Variants in TTN observed in about 807,000 individuals in gnomAD.
TTN encodes titin.
In TTN, 1,525 loss-of-function variants were observed where a neutral mutation model predicts 3,223.0. The observed-to-expected ratio is 0.47, with a 90% CI of 0.45 to 0.49. TTN has a LOEUF of 0.49. TTN is among the 20% of genes least tolerant of loss of function. The pLI, the probability that TTN is intolerant of heterozygous loss-of-function variation, is 0.00. For missense variants in TTN, 40,786 were observed against 43,424.0 expected (o/e 0.94, Z 5.40); for synonymous variants, 14,094 against 15,161.0 (o/e 0.93, Z 5.17).
chr2:178,603,851 T>G, intron 282 of TTN, 25 bp downstream of exon 282: 1 of 1,519,486 alleles, frequency 6.6e-7, no homozygotes, highest in East Asian at 2.3e-5. Flanking sequence ...TAGAAATTAG[T>G]CCCCAGAAAC....
chr2:178,772,635 G>A (rs745625592), intron 33 of TTN, among the ~76,000 whole-genome samples: 1 of 152,100 alleles, frequency 6.6e-6, no homozygotes, highest in Non-Finnish European at 1.5e-5. Context: ...AAGCAAGAAT[G>A]GCTAAAAAAG....
At chr2:178,697,825 T>A (rs1577587100) in intron 112 of TTN, among the ~76,000 whole-genome samples, 1 of 152,226 alleles carries the variant, frequency 6.6e-6, no homozygotes, top group South Asian at 2.1e-4. Context: ...ATATTGATAT[T>A]TAGATCACCT....
In TTN at chr2:178,533,391, G is replaced by C; in HGVS notation, c.103224C>G (p.Asn34408Lys). The change falls in exon 358 of 363, where the codon AAC becomes AAG. Residue 34408 changes from asparagine (N) to lysine (K), a missense_variant. Asn to Lys is a moderately conservative substitution (Grantham distance 94). Coordinates refer to ENST00000589042, the MANE Select transcript of TTN (RefSeq NM_001267550.2). ...CCAAGCCTTCATGGATAATTTCAAT[G>C]TTAGGCCCGAGGGACAGTGGCTGAC... is the stretch of plus-strand genomic sequence containing the variant. Reference protein sequence around the residue: ...KDGQPLSLGPNIEIIHEGLDY... With the variant: ...KDGQPLSLGPKIEIIHEGLDY... The C allele has an allele frequency of 6.2e-7, 1 of 1,613,612 alleles. No individual in the cohort carries two copies. Among genetic ancestry groups the C allele is most frequent in the Non-Finnish European group, 8.5e-7 (1 of 1,179,862 alleles).
intron 6 of TTN, among the ~76,000 whole-genome samples, chr2:178,798,192 A>G (rs545294335): frequency 6.6e-6 from 1 of 152,268 alleles, no homozygotes; most frequent in Admixed American, 6.5e-5. Context: ...TAGGTCAACT[A>G]TCTCCTTATT....
rs2091251469 is a variant in TTN at position 178,770,078 on chromosome 2, C to T, written c.8623G>A (p.Ala2875Thr). Residue 2875 changes from alanine to threonine, a missense_variant, in exon 36 of 363, where the codon GCA (alanine) becomes ACA (threonine). Transcript: ENST00000589042. ...TAVVGQLECK[A>T]KLFVETLHIT... ...TACTTACTCTCCACAAACAGTTTTG[C>T]TTTGCATTCCAATTGCCCGACCACA... is the stretch of plus-strand genomic sequence containing the variant. 1 of 1,614,136 alleles carries T rather than the reference C, an allele frequency of 6.2e-7. No homozygotes were observed. The highest frequency in any genetic ancestry group is 8.5e-7 in the Non-Finnish European group (1 of 1,180,004).
At position 178,560,375 on chromosome 2, in the gene TTN, A is replaced by T. The variant is rs773336002; in HGVS notation, c.85757T>A (p.Ile28586Lys). 1.9e-6 allele frequency: 3 copies of T among 1,613,602 alleles called. No homozygotes were observed. In the African/African-American group the frequency reaches 4.0e-5, roughly 22 times the overall value. The change falls in exon 326 of 363, where the codon ATA becomes AAA. Residue 28586 changes from isoleucine to lysine, a missense_variant. Ile to Lys is a moderately radical substitution (Grantham distance 102, BLOSUM62 -3). Coordinates refer to ENST00000589042, the MANE Select transcript of TTN (RefSeq NM_001267550.2). ...GCTATTTTTCTCTCGCCTTTCAATT[A>T]TATATCCAGATATTTCACTACCTCC... ...SDGGSEISGY[I>K]IERREKNSLR... is the part of the protein sequence containing the mutation.
chr2:178,563,978 T>C lies in TTN; in HGVS notation c.82154A>G (p.Glu27385Gly), dbSNP rs745887048. The change falls in exon 326 of 363, where the codon GAA becomes GGA. Residue 27385 changes from glutamate to glycine, a missense_variant. Coordinates refer to ENST00000589042, the MANE Select transcript of TTN (RefSeq NM_001267550.2). The surrounding 1 kb of genome is among the most constrained non-coding windows in gnomAD (Gnocchi z 4.5). ...TGGGTTCCATGCCAGGTAACATTTT[T>C]CCGCAGTAACTCCAGTAACTTTCAG... ...GPLKVTGVTA[E>G]KCYLAWNPPL... The C allele has an allele frequency of 1.9e-6, 3 of 1,613,610 alleles. No individual in the cohort carries two copies. Among genetic ancestry groups the C allele is most frequent in the African/African-American group, 2.7e-5 (2 of 74,900 alleles).
At chr2:178,639,986 A>C in intron 222 of TTN, 62 bp downstream of exon 222, 2 of 1,572,252 alleles carry the variant, frequency 1.3e-6, no homozygotes, top group South Asian at 2.3e-5. Context: ...TTTATTAAGT[A>C]CATGTTATGT....
Position 178,533,477 on chromosome 2 carries a change from C to G in TTN, c.103138G>C (p.Val34380Leu). The G allele has an allele frequency of 6.2e-7, 1 of 1,613,398 alleles. No homozygotes were observed. Among genetic ancestry groups the G allele is most frequent in the Admixed American group, 1.7e-5 (1 of 59,998 alleles). Residue 34380 changes from valine (V) to leucine (L), a missense_variant, in exon 358 of 363, where the codon GTC (valine) becomes CTC (leucine). Transcript: ENST00000589042. Reference sequence around the variant, plus strand: ...CCAGACACTCTGATCTCAAAGCAGACACTTTGGCCTTCTTGGCATTCTGCA... The same window carrying G: ...CCAGACACTCTGATCTCAAAGCAGAGACTTTGGCCTTCTTGGCATTCTGCA... ...ANAECQEGQS[V>L]CFEIRVSGIP...
At chr2:178,751,694 C>T in intron 47 of TTN, 2 of 1,613,262 alleles carry the variant, frequency 1.2e-6, no homozygotes, top group South Asian at 2.2e-5. Context: ...GTCTTGGACC[C>T]TTTTAATCTC....
In TTN at chr2:178,531,725, T is replaced by A. The variant is rs779363624; in HGVS notation, c.104890A>T (p.Asn34964Tyr). ...TCGGCAGTTGGCTTAGACTGAACAT[T>A]TAAAATAAAACGTGTATTTTGGCCA... ...PCGQNTRFIL[N>Y]VQSKPTAEVK... The change falls in exon 358 of 363, where the codon AAT becomes TAT. Residue 34964 changes from asparagine (N) to tyrosine (Y), a missense_variant. Transcript: ENST00000589042. The A allele has an allele frequency of 3.1e-6, 5 of 1,613,972 alleles. No individual in the cohort carries two copies. In the East Asian group the frequency reaches 1.1e-4, roughly 36 times the overall value.
Position 178,567,918 on chromosome 2 carries a change from C to A in TTN, c.78214G>T (p.Gly26072Cys), listed in dbSNP as rs762807103. 3 of 1,613,410 alleles carry A rather than the reference C, an allele frequency of 1.9e-6. No individual in the cohort carries two copies. Among genetic ancestry groups the A allele is most frequent in the Admixed American group, 1.7e-5 (1 of 59,964 alleles). The change falls in exon 326 of 363, where the codon GGT (glycine) becomes TGT (cysteine). Residue 26072 changes from glycine (G) to cysteine (C), a missense_variant. Transcript: ENST00000589042. ...EFRVYAENIV[G>C]VGKASKNSEC... ...GAATTCTTGCTTGCTTTGCCTACAC[C>A]AACAATATTTTCAGCATACACTCTG...
intron 204 of TTN, 54 bp from the exon 205 acceptor site, chr2:178,652,021 T>A: frequency 6.2e-7 from 1 of 1,610,746 alleles, no homozygotes; most frequent in Non-Finnish European, 8.5e-7. Context: ...CTGAGATAGT[T>A]TGCAAAAAAA....
In TTN at chr2:178,769,893, G is replaced by T; in HGVS notation, c.8688C>A (p.Thr2896=). The T allele has an allele frequency of 6.2e-7, 1 of 1,614,028 alleles. No homozygotes were observed. Among genetic ancestry groups the T allele is most frequent in the Non-Finnish European group, 8.5e-7 (1 of 1,179,988 alleles). ...KTMKNIEVPE[T]KTASFECEVS... Reference sequence around the variant, plus strand: ...CCTCACACTCAAAAGAGGCAGTTTTGGTCTCAGGCACCTCGATATTTTTCA... The same window carrying T: ...CCTCACACTCAAAAGAGGCAGTTTTTGTCTCAGGCACCTCGATATTTTTCA... The change falls in exon 37 of 363, where the codon ACC becomes ACA. Residue 2896 remains threonine, a synonymous_variant. Transcript: ENST00000589042.
rs563893683 is a variant in TTN, at chr2:178,637,298, C to T, written c.40927+71G>A. On this transcript the variant is annotated intron_variant, in intron 224 of 362. Transcript: ENST00000589042. Reference sequence around the variant, plus strand: ...TTGTTATGAATTTTGAAATTTTTTTCCCCTTGAATATGAACTTTGGAAATT... The same window carrying T: ...TTGTTATGAATTTTGAAATTTTTTTTCCCTTGAATATGAACTTTGGAAATT... The T allele has an allele frequency of 1.4e-4, 155 of 1,120,460 alleles. 3 individuals are homozygous for T. In the South Asian group the frequency reaches 3.0e-3, roughly 22 times the overall value. The allele number at this position is 1,120,460 out of a possible 1,614,324, so 69.4% of individuals were successfully genotyped here. A position where few individuals can be genotyped will look rare whatever the true frequency, so the allele number is the denominator to read the frequency against.
intron 3 of TTN, 46 bp downstream of exon 3, chr2:178,802,092 A>G: frequency 6.2e-7 from 1 of 1,608,612 alleles, no homozygotes; most frequent in African/African-American, 1.3e-5. Context: ...TTTGCTGGAG[A>G]TGTCCTCTGG....
At position 178,632,301 on chromosome 2, in the gene TTN, C is replaced by G. The variant is rs1233735388; in HGVS notation, c.43593G>C (p.Lys14531Asn). The G allele has an allele frequency of 1.2e-6, 2 of 1,609,274 alleles. No homozygotes were observed. Among genetic ancestry groups the G allele is most frequent in the Non-Finnish European group, 1.7e-6 (2 of 1,177,784 alleles). ...SHDNIRVKWFKNDQRLHTTRS... is the reference protein window; with the variant it reads ...SHDNIRVKWFNNDQRLHTTRS... The stretch of plus-strand genomic sequence containing the variant: ...TGGTGGTGTGTAGGCGCTGGTCATT[C>G]TTGAACCATTTAACTCGGATGTTAT... The change falls in exon 236 of 363, where the codon AAG becomes AAC. Residue 14531 changes from lysine (K) to asparagine (N), a missense_variant. Transcript: ENST00000589042.
In TTN at chr2:178,711,961, G is replaced by C. The variant is rs1196673354; in HGVS notation, c.27869C>G (p.Thr9290Ser). 1 of 1,601,552 alleles carries C rather than the reference G, an allele frequency of 6.2e-7. No individual in the cohort carries two copies. The highest frequency in any genetic ancestry group is 1.7e-5 in the Admixed American group (1 of 59,058). The part of the protein sequence containing the change: ...ENSVGEVSAS[T>S]FLTVQEQKLP... The stretch of plus-strand genomic sequence containing the variant: ...GCAATCACCTTGAACGGTAAGGAAA[G>C]TTGATGCAGAAACTTCTCCCACGCT... Residue 9290 changes from threonine (T) to serine (S), a missense_variant, in exon 96 of 363, where the codon ACT becomes AGT. Transcript: ENST00000589042.
At chr2:178,665,507 A>C (rs1435303136) in intron 164 of TTN, 47 bp from the exon 165 acceptor site, 1 of 1,582,842 alleles carries the variant, frequency 6.3e-7, no homozygotes, top group East Asian at 2.2e-5. Flanking sequence ...GGATCAGTGG[A>C]GACATTAATT....
Sources: allele counts gnomAD v4.1 joint callset (sites outside exome capture counted in the v4.1 genomes callset), GRCh38; gene constraint gnomAD v4.1.1; non-coding constraint Gnocchi (gnomAD v3.1); transcripts MANE v1.5; gene names NCBI Gene and HGNC (gene_info 2026-07-23, HGNC 2026-07-21).